The following TRAPPC9 variants were observed in gnomAD, a reference collection of about 807,000 sequenced individuals.
TRAPPC9 encodes trafficking protein particle complex subunit 9.
Under a neutral mutation model 124.0 loss-of-function variants are expected in TRAPPC9, and 83 were observed. That is an observed-to-expected ratio of 0.67 (90% CI 0.56 to 0.80). The LOEUF is 0.80. Ranked by LOEUF, TRAPPC9 falls within the 30% of genes least tolerant of loss-of-function variation. The pLI, the probability that TRAPPC9 is intolerant of heterozygous loss-of-function variation, is 0.00. For missense variants in TRAPPC9, 1,302 were observed against 1,508.3 expected (o/e 0.86, Z 2.27); for synonymous variants, 638 against 617.5 (o/e 1.03, Z -0.49).
chr8:140,193,368 A>C (rs1214326598), intron 17 of TRAPPC9, among the ~76,000 whole-genome samples: 2 of 152,160 alleles, frequency 1.3e-5, no homozygotes, highest in Non-Finnish European at 2.9e-5. Context: ...TTTCACCCAA[A>C]CTGAGTGACC....
intron 7 of TRAPPC9, among the ~76,000 whole-genome samples, chr8:140,373,595 G>C (rs969622604): frequency 3.5e-4 from 54 of 152,280 alleles, no homozygotes; most frequent in African/African-American, 1.2e-3. Context: ...ACAGTGAAAG[G>C]TCATGCCGAC....
chr8:140,358,685 T>C (rs1293764790), intron 9 of TRAPPC9, among the ~76,000 whole-genome samples: 1 of 151,714 alleles, frequency 6.6e-6, no homozygotes, highest in Non-Finnish European at 1.5e-5. Flanking sequence ...ATTTGGGAGG[T>C]GCCAGGACAT....
At position 140,240,134 on chromosome 8, in the gene TRAPPC9, G is replaced by T. The variant is rs532057821; in HGVS notation, c.2431+12643C>A. ...ATATAATGAAATGCCAAATAGACATGTTTTTTTTTCACCCTAGTCTCCAGT... is the reference window on the plus strand; with the variant it reads ...ATATAATGAAATGCCAAATAGACATTTTTTTTTTTCACCCTAGTCTCCAGT... On this transcript the variant is annotated intron_variant, in intron 16 of 22. Coordinates refer to ENST00000438773, the MANE Select transcript of TRAPPC9 (RefSeq NM_001160372.4). Among the ~76,000 whole-genome samples the T allele has an allele frequency of 3.0e-4, 46 of 151,150 alleles. 1 individual carries two copies. In the South Asian group the frequency reaches 9.0e-3, roughly 30 times the overall value.
intron 17 of TRAPPC9, among the ~76,000 whole-genome samples, chr8:140,198,230 C>T (rs181175968): frequency 2.6e-5 from 4 of 152,292 alleles, no homozygotes; most frequent in East Asian, 3.9e-4. Flanking sequence ...TAAACAAAGA[C>T]GGTAAACAGC....
At position 139,975,250 on chromosome 8, in the gene TRAPPC9, C is replaced by G. The variant is rs547434309; in HGVS notation, c.2810+13476G>C. On this transcript the variant is annotated intron_variant, in intron 19 of 22. Coordinates refer to ENST00000438773, the MANE Select transcript of TRAPPC9 (RefSeq NM_001160372.4). ...GCAGCACTAGAGACAGTGGCGACTG[C>G]TGGTCAGCCTGGATCACTGGCCTCC... Among the ~76,000 whole-genome samples, 6 of 152,362 alleles carry G rather than the reference C, an allele frequency of 3.9e-5. No homozygotes were observed. The South Asian group carries it at 6.2e-4, about 16-fold the overall frequency.
At chr8:140,253,695 T>A (rs2064181776) in intron 15 of TRAPPC9, among the ~76,000 whole-genome samples, 1 of 151,360 alleles carries the variant, frequency 6.6e-6, no homozygotes, top group Admixed American at 6.6e-5. Flanking sequence ...AAAAAAAACA[T>A]CAAATCAAAG....
At chr8:140,266,833 C>G (rs148576552) in intron 15 of TRAPPC9, among the ~76,000 whole-genome samples, 27,965 of 151,728 alleles carry the variant, frequency 0.18, 2,612 homozygotes, top group Admixed American at 0.22. Context: ...GCACTCCAGC[C>G]TGGGCGACAG....
At chr8:140,220,808 T>C (rs543860371) in intron 17 of TRAPPC9, among the ~76,000 whole-genome samples, 1 of 152,344 alleles carries the variant, frequency 6.6e-6, no homozygotes, top group African/African-American at 2.4e-5. Flanking sequence ...TGAACACAAG[T>C]GTGCCTGAAA....
intron 10 of TRAPPC9, among the ~76,000 whole-genome samples, chr8:140,306,594 T>C (rs1013288743): frequency 6.6e-6 from 1 of 151,738 alleles, no homozygotes; most frequent in African/African-American, 2.4e-5. Flanking sequence ...AAGAAAGGCA[T>C]GAAAAGCGAA....
At chr8:139,826,616 T>C (rs1825662396) in intron 21 of TRAPPC9, among the ~76,000 whole-genome samples, 1 of 152,232 alleles carries the variant, frequency 6.6e-6, no homozygotes, top group East Asian at 1.9e-4. Flanking sequence ...TGGGCAGGGC[T>C]CGGCGATGGA....
chr8:139,998,694 T>C (rs1046228077), intron 18 of TRAPPC9, among the ~76,000 whole-genome samples: 3 of 152,096 alleles, frequency 2.0e-5, no homozygotes, highest in Non-Finnish European at 2.9e-5. Flanking sequence ...TGCACTCCAG[T>C]CTGGGCAACA....
chr8:140,390,154 A>G (rs936849592), intron 7 of TRAPPC9, among the ~76,000 whole-genome samples: 2 of 152,102 alleles, frequency 1.3e-5, no homozygotes, highest in Non-Finnish European at 2.9e-5. Flanking sequence ...AAATACAAAA[A>G]TTAGCCGGGC....
At chr8:139,855,779 G>A (rs1478210815) in intron 21 of TRAPPC9, among the ~76,000 whole-genome samples, 3 of 152,200 alleles carry the variant, frequency 2.0e-5, no homozygotes, top group South Asian at 2.1e-4. Flanking sequence ...CCTCAGGGCC[G>A]CCCTTGTGAA....
intron 17 of TRAPPC9, among the ~76,000 whole-genome samples, chr8:140,046,625 G>A (rs527440776): frequency 6.6e-6 from 1 of 152,320 alleles, no homozygotes; most frequent in East Asian, 1.9e-4. Context: ...TTGTGCTTTG[G>A]TGGACATGAG....
At chr8:139,953,441 G>A (rs1834782589) in intron 19 of TRAPPC9, among the ~76,000 whole-genome samples, 1 of 152,150 alleles carries the variant, frequency 6.6e-6, no homozygotes, top group Non-Finnish European at 1.5e-5. Flanking sequence ...GCAGTGAGCC[G>A]AGATCGTGCC....
At chr8:139,863,684 T>C (rs1828322631) in intron 21 of TRAPPC9, among the ~76,000 whole-genome samples, 1 of 152,122 alleles carries the variant, frequency 6.6e-6, no homozygotes, top group African/African-American at 2.4e-5. Flanking sequence ...GAATCGCTGT[T>C]CCCGCCTCTG....
At chr8:139,779,588 A>G (rs1821640878) in intron 21 of TRAPPC9, among the ~76,000 whole-genome samples, 1 of 152,208 alleles carries the variant, frequency 6.6e-6, no homozygotes, top group Non-Finnish European at 1.5e-5. Flanking sequence ...ACTACATTAT[A>G]ATAAGGTTCT....
chr8:140,339,154 A>C (rs982362870), intron 9 of TRAPPC9, among the ~76,000 whole-genome samples: 5 of 152,226 alleles, frequency 3.3e-5, no homozygotes, highest in African/African-American at 1.2e-4. Flanking sequence ...AAAGGCCTCA[A>C]AACAAGCCAG....
At chr8:140,312,051 A>G (rs2066312497) in intron 9 of TRAPPC9, among the ~76,000 whole-genome samples, 1 of 152,238 alleles carries the variant, frequency 6.6e-6, no homozygotes, top group Admixed American at 6.5e-5. Flanking sequence ...TGGCTCAGGA[A>G]GGCAGGCACT....
Sources: gnomAD v4.1 joint callset for allele counts (sites outside exome capture counted in the v4.1 genomes callset) on GRCh38, gnomAD v4.1.1 for gene constraint, MANE v1.5 for transcripts, NCBI Gene and HGNC (gene_info 2026-07-23, HGNC 2026-07-21) for gene names.